Variants in DPYSL5 observed in about 807,000 individuals in gnomAD.
DPYSL5 encodes the protein dihydropyrimidinase-related protein 5.
Under a neutral mutation model 58.4 loss-of-function variants are expected in DPYSL5, and 9 were observed. The ratio of observed to expected loss-of-function variants is 0.15; its 90% CI spans 0.09 to 0.27. DPYSL5 has a LOEUF of 0.27. Among genes scored for constraint, DPYSL5 ranks in the 10% least tolerant of loss-of-function variants. The pLI is 1.00. For missense variants in DPYSL5, 499 were observed against 770.6 expected, an observed-to-expected ratio of 0.65 and a Z score of 4.17; for synonymous variants, 293 against 301.9, an observed-to-expected ratio of 0.97 and a Z score of 0.31.
chr2:26,937,742 T>G (rs995261698), intron 8 of DPYSL5, among the ~76,000 whole-genome samples: 1 of 149,098 alleles, frequency 6.7e-6, no homozygotes, highest in Non-Finnish European at 1.5e-5. Flanking sequence ...CTGGCTAGTT[T>G]TTTGTTTGTT....
At position 26,934,815 on chromosome 2, in the gene DPYSL5, G is replaced by A. The variant is rs1056028627; in HGVS notation, c.947+81G>A. ...TAGAGGGCCCAGGAAACAAATCTGA[G>A]CTAGGTTTGATTTCATTGTGCCCAT... is the stretch of plus-strand genomic sequence containing the variant. On this transcript the variant is annotated intron_variant, in intron 8 of 12. Coordinates refer to ENST00000288699, the MANE Select transcript of DPYSL5 (RefSeq NM_020134.4). The surrounding 1 kb of genome is among the most constrained non-coding windows in gnomAD (Gnocchi z 4.3). The A allele has an allele frequency of 1.9e-6, 3 of 1,542,120 alleles. No homozygotes were observed. In the African/African-American group the frequency reaches 4.1e-5, roughly 21 times the overall value.
At position 26,877,856 on chromosome 2, in the gene DPYSL5, C is replaced by T. The variant is rs1663453176; in HGVS notation, c.-4-20640C>T. On this transcript the variant is annotated intron_variant, in intron 1 of 12. Coordinates refer to ENST00000288699, the MANE Select transcript of DPYSL5 (RefSeq NM_020134.4). This position sits in a 1 kb window ranked among gnomAD's most constrained non-coding sequence, Gnocchi z 4.1. ...ACCTCCCATGTCAATACTTAGAGAT[C>T]TACAGAATCCTTTTCAATGGCTGCA... 6.6e-6 allele frequency among the ~76,000 whole-genome samples: 1 copy of T among 152,214 alleles called. No homozygotes were observed. Among genetic ancestry groups the T allele is most frequent in the South Asian group, 2.1e-4 (1 of 4,836 alleles).
Position 26,934,806 on chromosome 2 carries a change from C to A in DPYSL5, c.947+72C>A. ...AAGACGTCATAGAGGGCCCAGGAAA[C>A]AAATCTGAGCTAGGTTTGATTTCAT... On this transcript the variant is annotated intron_variant, in intron 8 of 12. Transcript: ENST00000288699. This position sits in a 1 kb window ranked among gnomAD's most constrained non-coding sequence, Gnocchi z 4.3. 1 of 1,560,698 alleles carries A rather than the reference C, an allele frequency of 6.4e-7. No homozygotes were observed. Among genetic ancestry groups the A allele is most frequent in the Non-Finnish European group, 8.7e-7 (1 of 1,145,722 alleles).
At chr2:26,939,959 C>T in intron 8 of DPYSL5, 72 bp from the exon 9 acceptor site, 3 of 1,589,912 alleles carry the variant, frequency 1.9e-6, no homozygotes, top group Non-Finnish European at 2.6e-6. Flanking sequence ...AGGATTTTCC[C>T]TATATCTATC....
intron 5 of DPYSL5, among the ~76,000 whole-genome samples, chr2:26,931,265 G>A (rs568646740): frequency 3.1e-5 from 4 of 130,446 alleles, no homozygotes; most frequent in South Asian, 5.3e-4. Flanking sequence ...AGTACCATGC[G>A]CAGAAACCCT....
chr2:26,888,537 G>A (rs937191665), intron 1 of DPYSL5, among the ~76,000 whole-genome samples: 1 of 152,102 alleles, frequency 6.6e-6, no homozygotes, highest in Non-Finnish European at 1.5e-5. Flanking sequence ...CTCCCAAAGT[G>A]CTGGGATTAC....
At chr2:26,896,884 G>A (rs972224035) in intron 1 of DPYSL5, among the ~76,000 whole-genome samples, 15 of 152,114 alleles carry the variant, frequency 9.9e-5, no homozygotes, top group Non-Finnish European at 1.6e-4. Flanking sequence ...TTAGTTTGAC[G>A]CAATCCCATT....
chr2:26,860,794 G>A (rs182795864), intron 1 of DPYSL5, among the ~76,000 whole-genome samples: 82 of 152,154 alleles, frequency 5.4e-4, no homozygotes, highest in African/African-American at 1.6e-3. Context: ...TATTTAATGC[G>A]TGCCACCCTT....
chr2:26,848,695 C>G (rs1239851205), intron 1 of DPYSL5, among the ~76,000 whole-genome samples: 2 of 152,046 alleles, frequency 1.3e-5, no homozygotes, highest in Non-Finnish European at 2.9e-5. Flanking sequence ...TGTCCCCGGT[C>G]CCACACACCA....
intron 2 of DPYSL5, among the ~76,000 whole-genome samples, chr2:26,911,575 A>T (rs1332862628): frequency 1.3e-5 from 2 of 152,182 alleles, no homozygotes; most frequent in Non-Finnish European, 2.9e-5. Context: ...ATTTAAAGTA[A>T]ATTACAATGA....
At chr2:26,865,691 TG>T (rs1666123586) in intron 1 of DPYSL5, among the ~76,000 whole-genome samples, 2 of 152,130 alleles carry the variant, frequency 1.3e-5, no homozygotes, top group East Asian at 3.9e-4. Context: ...TCATAATAGG[TG>T]TGGCCCATTA....
At position 26,928,752 on chromosome 2, in the gene DPYSL5, C is replaced by CGTGTGT. The variant is rs775375591; in HGVS notation, c.669+431_669+436dup. On this transcript the variant is annotated intron_variant, in intron 5 of 12. Coordinates refer to ENST00000288699, the MANE Select transcript of DPYSL5 (RefSeq NM_020134.4). Reference sequence around the variant, plus strand: ...ATACGCACACACACGCACACACATACGTGTGTGCGTGTGTGTGTGTGTGTA... The same window carrying CGTGTGT: ...ATACGCACACACACGCACACACATACGTGTGTGTGTGTGCGTGTGTGTGTGTGTGTA... 4.2e-3 allele frequency among the ~76,000 whole-genome samples: 362 copies of CGTGTGT among 86,688 alleles called. 2 individuals carry two copies. Among genetic ancestry groups the CGTGTGT allele is most frequent in the African/African-American group, 0.011 (265 of 23,846 alleles). The allele number at this position is 86,688 out of a possible 152,430, so 56.9% of individuals were successfully genotyped here. A position where few individuals can be genotyped will look rare whatever the true frequency, so the allele number is the denominator to read the frequency against.
chr2:26,923,460 G>A (rs1192821540), intron 2 of DPYSL5, among the ~76,000 whole-genome samples: 1 of 152,188 alleles, frequency 6.6e-6, no homozygotes, highest in Non-Finnish European at 1.5e-5. Flanking sequence ...CCACCCTATT[G>A]TGTAGGTAAA....
At chr2:26,850,493 G>A (rs1315759166) in intron 1 of DPYSL5, among the ~76,000 whole-genome samples, 1 of 152,070 alleles carries the variant, frequency 6.6e-6, no homozygotes, top group Non-Finnish European at 1.5e-5. Context: ...TAGATGACAA[G>A]TTAAAGGTGA....
chr2:26,888,263 TTCTG>T (rs779868897), intron 1 of DPYSL5, among the ~76,000 whole-genome samples: 5 of 130,848 alleles, frequency 3.8e-5, no homozygotes, highest in South Asian at 5.0e-4. Flanking sequence ...CTTTCTTTCT[TTCTG>T]TCTTTCTTTC....
At position 26,880,320 on chromosome 2, in the gene DPYSL5, T is replaced by G. The variant is rs941975328; in HGVS notation, c.-4-18176T>G. 4.6e-5 allele frequency among the ~76,000 whole-genome samples: 7 copies of G among 152,234 alleles called. 1 individual carries two copies. The highest frequency in any genetic ancestry group is 1.4e-4 in the African/African-American group (6 of 41,472). The stretch of plus-strand genomic sequence containing the variant: ...TGTGGGCACCACCCAGTTAACCCAC[T>G]GCACCCCCATGCCTGGCTTGGCATA... On this transcript the variant is annotated intron_variant, in intron 1 of 12. Coordinates refer to ENST00000288699, the MANE Select transcript of DPYSL5 (RefSeq NM_020134.4).
chr2:26,890,558 TG>T (rs1193723957), intron 1 of DPYSL5, among the ~76,000 whole-genome samples: 4 of 152,196 alleles, frequency 2.6e-5, no homozygotes, highest in Non-Finnish European at 4.4e-5. Context: ...CAATTGGGCC[TG>T]GAGGCTGGGC....
At chr2:26,879,811 G>A (rs1241972466) in intron 1 of DPYSL5, among the ~76,000 whole-genome samples, 2 of 152,196 alleles carry the variant, frequency 1.3e-5, no homozygotes, top group Admixed American at 6.5e-5. Context: ...AACCACAGAT[G>A]TGCCCTGGAC....
At chr2:26,891,466 C>A (rs1214987979) in intron 1 of DPYSL5, among the ~76,000 whole-genome samples, 1 of 151,994 alleles carries the variant, frequency 6.6e-6, no homozygotes, top group East Asian at 1.9e-4. Flanking sequence ...CGTTAGCCTC[C>A]GGAGACTTCC....
Sources: allele counts gnomAD v4.1 joint callset (sites outside exome capture counted in the v4.1 genomes callset), GRCh38; gene constraint gnomAD v4.1.1; non-coding constraint Gnocchi (gnomAD v3.1); transcripts MANE v1.5; gene names NCBI Gene and HGNC (gene_info 2026-07-23, HGNC 2026-07-21).